The following CHPF variants were observed in gnomAD, a reference collection of about 807,000 sequenced individuals.
The protein encoded by CHPF is chondroitin polymerizing factor.
Under a neutral mutation model 55.1 loss-of-function variants are expected in CHPF, and 34 were observed. The observed-to-expected ratio is 0.62, with a 90% CI of 0.47 to 0.82. The LOEUF is 0.82. Among genes scored for constraint, CHPF ranks in the 40% least tolerant of loss-of-function variants. CHPF has a pLI of 0.00. For missense variants in CHPF, 961 were observed against 1,106.1 expected (o/e 0.87, Z 1.86); for synonymous variants, 489 against 496.6 (o/e 0.98, Z 0.20).
Position 219,539,764 on chromosome 2 carries a change from T to C in CHPF, c.1947A>G (p.Pro649=). ...CAGGCCCTTGTGGTGGGGCCACAGCTGGGTGGAAGGCTTGGAAATGCATGG... is the reference window on the plus strand; with the variant it reads ...CAGGCCCTTGTGGTGGGGCCACAGCCGGGTGGAAGGCTTGGAAATGCATGG... ...FFPMHFQAFH[P]AVAPPQGPGP... Residue 649 remains proline (P), a synonymous_variant, in exon 4 of 4, where the codon CCA becomes CCG. Coordinates refer to ENST00000243776, the MANE Select transcript of CHPF (RefSeq NM_024536.6). The C allele has an allele frequency of 6.2e-7, 1 of 1,613,436 alleles. No homozygotes were observed. The highest frequency in any genetic ancestry group is 8.5e-7 in the Non-Finnish European group (1 of 1,180,002).
chr2:219,539,988 G>A lies in CHPF; in HGVS notation c.1723C>T (p.Arg575Trp), dbSNP rs1188765491. 5 of 1,613,564 alleles carry A rather than the reference G, an allele frequency of 3.1e-6. No homozygotes were observed. Among genetic ancestry groups the A allele is most frequent in the South Asian group, 1.1e-5 (1 of 91,086 alleles). The change falls in exon 4 of 4, where the codon CGG becomes TGG. Residue 575 changes from arginine to tryptophan, a missense_variant. Transcript: ENST00000243776. ...GGCACCCGGGCACCGGGGAAACGCC[G>A]CTCCAGCTCTGCCACGTGGGCCTTG... ...PVKAHVAELE[R>W]RFPGARVPWL...
Position 219,542,182 on chromosome 2 carries a change from A to G in CHPF, c.322T>C (p.Tyr108His). ...CTGATGCCCAGCTCCGTGCTGATGT[A>G]GCGGGTCCTAGGGGAGGAGATGGCA... ...QAAKKAVRTR[Y>H]ISTELGIRQR... The change falls in exon 2 of 4, where the codon TAC becomes CAC. Residue 108 changes from tyrosine to histidine, a missense_variant. Physicochemically the swap from Tyr to His is moderately conservative, Grantham distance 83. This residue lies in a region of CHPF where 936 missense variants were observed against 1,058.4 expected (regional missense o/e 0.88). Coordinates refer to ENST00000243776, the MANE Select transcript of CHPF (RefSeq NM_024536.6). 1 of 1,197,484 alleles carries G rather than the reference A, an allele frequency of 8.4e-7. No individual in the cohort carries two copies. Among genetic ancestry groups the G allele is most frequent in the Non-Finnish European group, 1.1e-6 (1 of 949,132 alleles). 74.2% of individuals were successfully genotyped at this position (1,197,484 alleles called of 1,614,324 possible). A position where few individuals can be genotyped will look rare whatever the true frequency, so the allele number is the denominator to read the frequency against.
Position 219,540,056 on chromosome 2 carries a change from C to A in CHPF, c.1655G>T (p.Arg552Leu). Residue 552 changes from arginine to leucine, a missense_variant, in exon 4 of 4, where the codon CGC becomes CTC. Arg to Leu is a moderately radical substitution (Grantham distance 102). Around this residue, in one of 3 missense-constraint regions of CHPF, gnomAD observed 936 missense variants for 1,058.4 expected, o/e 0.88. Transcript: ENST00000243776. ...ALTLLLLYEP[R>L]QAQRVAHADV... is the part of the protein sequence containing the mutation. Reference sequence around the variant, plus strand: ...TGCATGGGCCACGCGCTGGGCCTGGCGCGGCTCATACAGTAGCAGCAGGGT... The same window carrying A: ...TGCATGGGCCACGCGCTGGGCCTGGAGCGGCTCATACAGTAGCAGCAGGGT... The A allele has an allele frequency of 6.2e-7, 1 of 1,611,146 alleles. No individual in the cohort carries two copies. The highest frequency in any genetic ancestry group is 8.5e-7 in the Non-Finnish European group (1 of 1,178,922).
intron 1 of CHPF, 67 bp downstream of exon 1, chr2:219,543,158 C>T (rs1225926519): frequency 1.5e-6 from 2 of 1,372,862 alleles, no homozygotes; most frequent in East Asian, 3.0e-5. Context: ...GACCCGGGCC[C>T]GGGCGACCTC....
chr2:219,540,762 G>A, intron 3 of CHPF, 120 bp from the exon 4 acceptor site: 1 of 1,269,130 alleles, frequency 7.9e-7, no homozygotes, highest in South Asian at 1.5e-5. Context: ...GCCAACCTCT[G>A]CCCATACCTA....
chr2:219,541,918 A>G lies in CHPF; in HGVS notation c.586T>C (p.Phe196Leu), dbSNP rs767369176. 12 of 1,613,530 alleles carry G rather than the reference A, an allele frequency of 7.4e-6. No homozygotes were observed. The highest frequency in any genetic ancestry group is 1.0e-5 in the Non-Finnish European group (12 of 1,179,862). Reference sequence around the variant, plus strand: ...GTGTAGGTGGTGTCAGGCACCAGGAAGAACCAGTCAAAGTCGTCGCCGTGC... The same window carrying G: ...GTGTAGGTGGTGTCAGGCACCAGGAGGAACCAGTCAAAGTCGTCGCCGTGC... ...EQHGDDFDWF[F>L]LVPDTTYTEA... Residue 196 changes from phenylalanine (F) to leucine (L), a missense_variant, in exon 2 of 4, where the codon TTC becomes CTC. Around this residue, in one of 3 missense-constraint regions of CHPF, gnomAD observed 936 missense variants for 1,058.4 expected, o/e 0.88. Transcript: ENST00000243776.
chr2:219,541,107 G>T lies in CHPF; in HGVS notation c.907C>A (p.Leu303Met), dbSNP rs202241914. The change falls in exon 3 of 4, where the codon CTG becomes ATG. Residue 303 changes from leucine (L) to methionine (M), a missense_variant. Physicochemically the swap from Leu to Met is conservative, Grantham distance 15. This residue lies in a region of CHPF where 936 missense variants were observed against 1,058.4 expected (regional missense o/e 0.88). Coordinates refer to ENST00000243776, the MANE Select transcript of CHPF (RefSeq NM_024536.6). Reference protein sequence around the residue: ...GDHEGVHYSHLELSPGEPVQE... With the variant: ...GDHEGVHYSHMELSPGEPVQE... ...ACTGGCTCCCCAGGGCTCAGCTCCAGATGGCTATAGTGCACCCCCTGGGGA... is the reference window on the plus strand; with the variant it reads ...ACTGGCTCCCCAGGGCTCAGCTCCATATGGCTATAGTGCACCCCCTGGGGA... 3.0e-5 allele frequency: 49 copies of T among 1,607,404 alleles called. No homozygotes were observed. The Admixed American group carries it at 6.4e-4, about 21-fold the overall frequency.
In CHPF at chr2:219,541,835, G is replaced by A; in HGVS notation, c.669C>T (p.His223=). The A allele has an allele frequency of 1.2e-6, 2 of 1,609,670 alleles. No homozygotes were observed. The highest frequency in any genetic ancestry group is 1.7e-6 in the Non-Finnish European group (2 of 1,178,178). ...TGHLSLASAA[H]LYLGRPQDFI... ...AGTCCTGGGGCCGGCCCAGGTACAG[G>A]TGGGCGGCGGAGGCCAGGCTGAGGT... Residue 223 remains histidine, a synonymous_variant, in exon 2 of 4, where the codon CAC becomes CAT. Transcript: ENST00000243776.
At position 219,539,618 on chromosome 2, in the gene CHPF, T is replaced by G. The variant is rs778096039; in HGVS notation, c.2093A>C (p.Glu698Ala). The change falls in exon 4 of 4, where the codon GAA (glutamate) becomes GCA (alanine). Residue 698 changes from glutamate to alanine, a missense_variant. By Grantham distance (107) the Glu-to-Ala change is moderately radical. This residue lies in a region of CHPF where 936 missense variants were observed against 1,058.4 expected (regional missense o/e 0.88). Coordinates refer to ENST00000243776, the MANE Select transcript of CHPF (RefSeq NM_024536.6). Reference sequence around the variant, plus strand: ...ATCCAGGCTCTCCAGCAGCTCCTCTTCTTGTTCTGAGGCTGCCGCCAGGCG... The same window carrying G: ...ATCCAGGCTCTCCAGCAGCTCCTCTGCTTGTTCTGAGGCTGCCGCCAGGCG... ...RGRLAAASEQEEELLESLDVY... is the reference protein window; with the variant it reads ...RGRLAAASEQAEELLESLDVY... 5 of 1,613,886 alleles carry G rather than the reference T, an allele frequency of 3.1e-6. No homozygotes were observed. The highest frequency in any genetic ancestry group is 4.2e-6 in the Non-Finnish European group (5 of 1,179,962).
Position 219,539,791 on chromosome 2 carries a change from AAAG to A in CHPF, c.1917_1919del (p.Phe640del). 6.2e-7 allele frequency: 1 copy of A among 1,613,476 alleles called. No homozygotes were observed. Among genetic ancestry groups the A allele is most frequent in the Non-Finnish European group, 8.5e-7 (1 of 1,179,994 alleles). ...GGTGGAAGGCTTGGAAATGCATGGG[AAAG>A]AAGGCCTGCCAGCCGGAGATGGCAT... On this transcript the variant is annotated inframe_deletion, in exon 4 of 4. Coordinates refer to ENST00000243776, the MANE Select transcript of CHPF (RefSeq NM_024536.6).
Position 219,539,784 on chromosome 2 carries a change from G to A in CHPF, c.1927C>T (p.His643Tyr), listed in dbSNP as rs755421975. The change falls in exon 4 of 4, where the codon CAT (histidine) becomes TAT (tyrosine). Residue 643 changes from histidine to tyrosine, a missense_variant. Physicochemically the swap from His to Tyr is moderately conservative, Grantham distance 83. This residue lies in a region of CHPF where 936 missense variants were observed against 1,058.4 expected (regional missense o/e 0.88). Coordinates refer to ENST00000243776, the MANE Select transcript of CHPF (RefSeq NM_024536.6). ...ACAGCTGGGTGGAAGGCTTGGAAAT[G>A]CATGGGAAAGAAGGCCTGCCAGCCG... ...ISGWQAFFPM[H>Y]FQAFHPAVAP... 5 of 1,613,512 alleles carry A rather than the reference G, an allele frequency of 3.1e-6. No individual in the cohort carries two copies. Among genetic ancestry groups the A allele is most frequent in the Non-Finnish European group, 3.4e-6 (4 of 1,180,022 alleles).
Position 219,541,190 on chromosome 2 carries a change from T to C in CHPF, c.889-65A>G, listed in dbSNP as rs1185413146. On this transcript the variant is annotated intron_variant, in intron 2 of 3. Coordinates refer to ENST00000243776, the MANE Select transcript of CHPF (RefSeq NM_024536.6). ...TTGTCTTCCGTTGTCTCATAGTAAG[T>C]GTCTCATCTCCTCAGCCTATGACCT... 1.1e-5 allele frequency: 15 copies of C among 1,427,924 alleles called. No homozygotes were observed. In the East Asian group the frequency reaches 3.4e-4, roughly 32 times the overall value. 88.5% of individuals were successfully genotyped at this position (1,427,924 alleles called of 1,614,324 possible). A position where few individuals can be genotyped will look rare whatever the true frequency, so the allele number is the denominator to read the frequency against.
chr2:219,540,478 G>A lies in CHPF; in HGVS notation c.1233C>T (p.Arg411=), dbSNP rs747834322. ...CCCGGTCAGCCCCACGCAGTGGGCAGCGGGGTGAGCCATCGGCGCAGGAGA... is the reference window on the plus strand; with the variant it reads ...CCCGGTCAGCCCCACGCAGTGGGCAACGGGGTGAGCCATCGGCGCAGGAGA... ...HAFSCADGSP[R]CPLRGADRAD... is the part of the protein sequence containing the mutation. Residue 411 remains arginine (R), a synonymous_variant, in exon 4 of 4, where the codon CGC becomes CGT. Coordinates refer to ENST00000243776, the MANE Select transcript of CHPF (RefSeq NM_024536.6). 6.2e-7 allele frequency: 1 copy of A among 1,614,020 alleles called. No homozygotes were observed. The highest frequency in any genetic ancestry group is 1.1e-5 in the South Asian group (1 of 91,078).
In CHPF at chr2:219,540,144, G is replaced by C. The variant is rs746493090; in HGVS notation, c.1567C>G (p.Pro523Ala). The C allele has an allele frequency of 6.2e-7, 1 of 1,601,292 alleles. No individual in the cohort carries two copies. The highest frequency in any genetic ancestry group is 1.1e-5 in the South Asian group (1 of 89,492). Residue 523 changes from proline to alanine, a missense_variant, in exon 4 of 4, where the codon CCT (proline) becomes GCT (alanine). Pro to Ala is a conservative substitution (Grantham distance 27). Around this residue, in one of 3 missense-constraint regions of CHPF, gnomAD observed 936 missense variants for 1,058.4 expected, o/e 0.88. Transcript: ENST00000243776. ...GTGGCAAAGGCCTCCAAGAAGCCAG[G>C]GGCCAGGTCACGCTCAGCCGCAGCT... ...PLAAAERDLA[P>A]GFLEAFATAA...
At position 219,539,893 on chromosome 2, in the gene CHPF, C is replaced by G. The variant is rs34895265; in HGVS notation, c.1818G>C (p.Pro606=). 5.0e-6 allele frequency: 8 copies of G among 1,613,552 alleles called. No homozygotes were observed. Among genetic ancestry groups the G allele is most frequent in the Admixed American group, 3.3e-5 (2 of 60,010 alleles). Residue 606 remains proline (P), a synonymous_variant, in exon 4 of 4, where the codon CCG becomes CCC. Transcript: ENST00000243776. ...RLMDLLSKKH[P]LDTLFLLAGP... ...CGGCCAGCAGGAACAGTGTGTCCAG[C>G]GGGTGCTTCTTGGAGAGTAGATCCA...
chr2:219,540,824 G>A lies in CHPF; in HGVS notation c.1068+122C>T, dbSNP rs1695254896. The stretch of plus-strand genomic sequence containing the variant: ...AGGCTCATCAGAGAATGTAGAAACA[G>A]GCAGGGGCTGGGAAGTAGTTTTGTT... On this transcript the variant is annotated intron_variant, in intron 3 of 3. Coordinates refer to ENST00000243776, the MANE Select transcript of CHPF (RefSeq NM_024536.6). 6 of 1,363,672 alleles carry A rather than the reference G, an allele frequency of 4.4e-6. No homozygotes were observed. The Admixed American group carries it at 9.5e-5, about 22-fold the overall frequency. The allele number at this position is 1,363,672 out of a possible 1,614,324, so 84.5% of individuals were successfully genotyped here. A position where few individuals can be genotyped will look rare whatever the true frequency, so the allele number is the denominator to read the frequency against.
Position 219,540,359 on chromosome 2 carries a change from C to T in CHPF, c.1352G>A (p.Gly451Asp). The T allele has an allele frequency of 1.2e-6, 2 of 1,614,038 alleles. No homozygotes were observed. The highest frequency in any genetic ancestry group is 1.7e-6 in the Non-Finnish European group (2 of 1,180,002). Reference sequence around the variant, plus strand: ...CCGGGCCGGATCAAAGCGTCGGTAGCCATTCACCAGCTGCTGCTTCTGGAG... The same window carrying T: ...CCGGGCCGGATCAAAGCGTCGGTAGTCATTCACCAGCTGCTGCTTCTGGAG... ...LRLQKQQLVNGYRRFDPARGM... is the reference protein window; with the variant it reads ...LRLQKQQLVNDYRRFDPARGM... The change falls in exon 4 of 4, where the codon GGC becomes GAC. Residue 451 changes from glycine to aspartate, a missense_variant. This residue lies in a region of CHPF where 936 missense variants were observed against 1,058.4 expected (regional missense o/e 0.88). Transcript: ENST00000243776.
chr2:219,540,479 C>T lies in CHPF; in HGVS notation c.1232G>A (p.Arg411His), dbSNP rs138114486. 9 of 1,613,856 alleles carry T rather than the reference C, an allele frequency of 5.6e-6. No homozygotes were observed. The highest frequency in any genetic ancestry group is 5.3e-5 in the African/African-American group (4 of 74,932). The change falls in exon 4 of 4, where the codon CGC becomes CAC. Residue 411 changes from arginine to histidine, a missense_variant. Physicochemically the swap from Arg to His is conservative, Grantham distance 29. This residue lies in a region of CHPF where 936 missense variants were observed against 1,058.4 expected (regional missense o/e 0.88). Coordinates refer to ENST00000243776, the MANE Select transcript of CHPF (RefSeq NM_024536.6). The stretch of plus-strand genomic sequence containing the variant: ...CCGGTCAGCCCCACGCAGTGGGCAG[C>T]GGGGTGAGCCATCGGCGCAGGAGAA... ...HAFSCADGSP[R>H]CPLRGADRAD...
In CHPF at chr2:219,541,120, C is replaced by T. The variant is rs762449650; in HGVS notation, c.894G>A (p.Val298=). The change falls in exon 3 of 4, where the codon GTG becomes GTA. Residue 298 remains valine, a synonymous_variant. Transcript: ENST00000243776. ...GVGCTGDHEG[V]HYSHLELSPG... is the part of the protein sequence containing the mutation. ...GGCTCAGCTCCAGATGGCTATAGTGCACCCCCTGGGGAGAGGAAGGGAAGG... is the reference window on the plus strand; with the variant it reads ...GGCTCAGCTCCAGATGGCTATAGTGTACCCCCTGGGGAGAGGAAGGGAAGG... 5.0e-6 allele frequency: 8 copies of T among 1,599,348 alleles called. No individual in the cohort carries two copies. Among genetic ancestry groups the T allele is most frequent in the Non-Finnish European group, 6.8e-6 (8 of 1,174,022 alleles).
Sources: allele counts gnomAD v4.1 joint callset, GRCh38; gene constraint gnomAD v4.1.1; regional missense constraint gnomAD v4.1.1; transcripts MANE v1.5; gene names NCBI Gene and HGNC (gene_info 2026-07-23, HGNC 2026-07-21).